RPL37A: variants seen among roughly 807,000 people sequenced by gnomAD.
The protein encoded by RPL37A is large ribosomal subunit protein eL43.
Under a neutral mutation model 13.6 loss-of-function variants are expected in RPL37A, and 5 were observed. The observed-to-expected ratio is 0.37, with a 90% CI of 0.19 to 0.78. The LOEUF (loss-of-function observed/expected upper bound fraction) is 0.78, where lower values mean the gene tolerates loss of function less well. Among genes scored for constraint, RPL37A ranks in the 30% least tolerant of loss-of-function variants. The probability of loss-of-function intolerance (pLI) is 0.49; values close to 1 mark genes in which losing one functional copy is unlikely to be tolerated. For synonymous variants in RPL37A, 50 were observed against 44.4 expected (o/e 1.13, Z -0.50); for missense variants, 77 against 120.0 (o/e 0.64, Z 1.67).
Position 216,499,603 on chromosome 2 carries a change from C to A in RPL37A, c.132+205C>A, listed in dbSNP as rs781569883. The A allele has an allele frequency of 2.2e-5, 15 of 669,654 alleles. No individual in the cohort carries two copies. The African/African-American group carries it at 2.4e-4, about 11-fold the overall frequency. 41.5% of individuals were successfully genotyped at this position (669,654 alleles called of 1,614,324 possible). ...TTTCATTTAAAGAAAACCGCTTAAA[C>A]GTTAATGGGTAAAATAATCATTTGA... On this transcript the variant is annotated intron_variant, in intron 2 of 3. Coordinates refer to ENST00000491306, the MANE Select transcript of RPL37A (RefSeq NM_000998.5).
chr2:216,501,265 C>A, intron 3 of RPL37A, 76 bp from the exon 4 acceptor site: 1 of 1,245,324 alleles, frequency 8.0e-7, no homozygotes, highest in Non-Finnish European at 1.2e-6. Flanking sequence ...AACACAAAAA[C>A]GAGGCAGATT....
chr2:216,500,749 C>T (rs1394274706), intron 3 of RPL37A: 3 of 152,344 alleles, frequency 2.0e-5, no homozygotes, highest in Admixed American at 6.5e-5. Flanking sequence ...TATTTATATA[C>T]TTACAATACA....
chr2:216,499,252 TC>T lies in RPL37A; in HGVS notation c.4-15del. On this transcript the variant is annotated splice_polypyrimidine_tract_variant and intron_variant, in intron 1 of 3. Coordinates refer to ENST00000491306, the MANE Select transcript of RPL37A (RefSeq NM_000998.5). ...GGGTTCCAGGTCTATCACTGGTTTC[TC>T]CCTTCACTCTAAACAGGCCAAACGT... 6.2e-7 allele frequency: 1 copy of T among 1,608,450 alleles called. No homozygotes were observed. Among genetic ancestry groups the T allele is most frequent in the Non-Finnish European group, 8.5e-7 (1 of 1,177,944 alleles).
rs796613231 is a variant in RPL37A, at chr2:216,503,735, G to T, written c.*2331G>T. On this transcript the variant is annotated 3_prime_UTR_variant, in exon 4 of 4. Coordinates refer to ENST00000491306, the MANE Select transcript of RPL37A (RefSeq NM_000998.5). ...TTTTATGACAGTTAAAAGAGGAAAG[G>T]GCGGGGGACAGTTTACAGACCAGTG... The T allele has an allele frequency of 1.1e-4, 16 of 152,302 alleles. No individual in the cohort carries two copies. The highest frequency in any genetic ancestry group is 3.4e-4 in the African/African-American group (14 of 41,554). 9.4% of individuals were successfully genotyped at this position (152,302 alleles called of 1,614,324 possible).
chr2:216,499,352 T>C lies in RPL37A; in HGVS notation c.86T>C (p.Ile29Thr). 1.2e-6 allele frequency: 2 copies of C among 1,613,990 alleles called. No homozygotes were observed. The highest frequency in any genetic ancestry group is 1.7e-6 in the Non-Finnish European group (2 of 1,180,004). The change falls in exon 2 of 4, where the codon ATT (isoleucine) becomes ACT (threonine). Residue 29 changes from isoleucine (I) to threonine (T), a missense_variant. Physicochemically the swap from Ile to Thr is moderately conservative, Grantham distance 89. This residue lies in a region of RPL37A where 59 missense variants were observed against 65.5 expected (regional missense o/e 0.90). Transcript: ENST00000491306. ...TCCCTCCGGAAAATGGTGAAGAAAA[T>C]TGAAATCAGCCAGCACGCCAAGTAC... ...GASLRKMVKK[I>T]EISQHAKYTC...
chr2:216,500,190 T>C, intron 3 of RPL37A, 159 bp downstream of exon 3: 2 of 631,652 alleles, frequency 3.2e-6, no homozygotes, highest in Non-Finnish European at 5.7e-6. Context: ...TATTTTCAGT[T>C]ATTGAAAGAG....
Position 216,502,066 on chromosome 2 carries a change from C to T in RPL37A, c.*662C>T, listed in dbSNP as rs1281206689. The stretch of plus-strand genomic sequence containing the variant: ...TCTAGGCTGGGTGCGGTGACTCACG[C>T]CTGAAATCCCAGCACTTTGGGTGGC... On this transcript the variant is annotated 3_prime_UTR_variant, in exon 4 of 4. Transcript: ENST00000491306. The T allele has an allele frequency of 6.6e-6, 1 of 152,024 alleles. No individual in the cohort carries two copies. Among genetic ancestry groups the T allele is most frequent in the African/African-American group, 2.4e-5 (1 of 41,328 alleles). 9.4% of individuals were successfully genotyped at this position (152,024 alleles called of 1,614,324 possible). A position where few individuals can be genotyped will look rare whatever the true frequency, so the allele number is the denominator to read the frequency against.
intron 1 of RPL37A, 161 bp from the exon 2 acceptor site, chr2:216,499,108 GC>G (rs1188101942): frequency 8.4e-7 from 1 of 1,191,990 alleles, no homozygotes; most frequent in Non-Finnish European, 1.2e-6. Context: ...CGCGCGGCCA[GC>G]CCTGGGCACT....
At chr2:216,499,104 G>A in intron 1 of RPL37A, 166 bp from the exon 2 acceptor site, 3 of 1,170,610 alleles carry the variant, frequency 2.6e-6, no homozygotes, top group Non-Finnish European at 3.6e-6. Context: ...GGAGCGCGCG[G>A]CCAGCCCTGG....
rs1459422106 is a variant in RPL37A, at chr2:216,501,652, C to G, written c.*248C>G. ...ATATGAGTGTTAGCTTTTTATAAGT[C>G]TGCTCCTGCCAGTTTGACTTTGAGA... On this transcript the variant is annotated 3_prime_UTR_variant, in exon 4 of 4. Transcript: ENST00000491306. The G allele has an allele frequency of 3.0e-6, 1 of 333,234 alleles. No individual in the cohort carries two copies. Among genetic ancestry groups the G allele is most frequent in the African/African-American group, 2.1e-5 (1 of 46,724 alleles). The allele number at this position is 333,234 out of a possible 1,614,324, so 20.6% of individuals were successfully genotyped here. A position where few individuals can be genotyped will look rare whatever the true frequency, so the allele number is the denominator to read the frequency against.
intron 3 of RPL37A, 73 bp from the exon 4 acceptor site, chr2:216,501,268 G>A: frequency 5.4e-6 from 7 of 1,293,738 alleles, no homozygotes; most frequent in Non-Finnish European, 7.8e-6. Context: ...ACAAAAACGA[G>A]GCAGATTTAC....
Position 216,499,665 on chromosome 2 carries a change from G to T in RPL37A, c.132+267G>T, listed in dbSNP as rs1441468017. 6 of 629,916 alleles carry T rather than the reference G, an allele frequency of 9.5e-6. No homozygotes were observed. In the Admixed American group the frequency reaches 1.5e-4, roughly 16 times the overall value. 39.0% of individuals were successfully genotyped at this position (629,916 alleles called of 1,614,324 possible). The stretch of plus-strand genomic sequence containing the variant: ...CAGCCTAAGCCAAACCTGCTTTGTG[G>T]GAAATGATTCCATCAGTTTTGTCTA... On this transcript the variant is annotated intron_variant, in intron 2 of 3. Transcript: ENST00000491306.
At position 216,499,126 on chromosome 2, in the gene RPL37A, G is replaced by T. The variant is rs16856263; in HGVS notation, c.4-144G>T. 3.3e-3 allele frequency: 4,138 copies of T among 1,254,588 alleles called. 128 individuals carry two copies. In the African/African-American group the frequency reaches 0.054, roughly 16 times the overall value. The allele number at this position is 1,254,588 out of a possible 1,614,324, so 77.7% of individuals were successfully genotyped here. A position where few individuals can be genotyped will look rare whatever the true frequency, so the allele number is the denominator to read the frequency against. ...GCGGCCAGCCCTGGGCACTGGTTTC[G>T]TTGGGTTGAATTTAGGGAAAACTAG... On this transcript the variant is annotated intron_variant, in intron 1 of 3. Transcript: ENST00000491306.
chr2:216,500,198 G>C (rs1695575840), intron 3 of RPL37A, 167 bp downstream of exon 3: 5 of 620,912 alleles, frequency 8.1e-6, no homozygotes, highest in Non-Finnish European at 1.4e-5. Flanking sequence ...GTTATTGAAA[G>C]AGTAAACACA....
intron 3 of RPL37A, chr2:216,500,331 A>C: frequency 2.4e-6 from 1 of 408,464 alleles, no homozygotes; most frequent in Non-Finnish European, 4.5e-6. Context: ...GGCTGAATCT[A>C]CTGAACGTTG....
At position 216,503,666 on chromosome 2, in the gene RPL37A, G is replaced by A. The variant is rs1037667211; in HGVS notation, c.*2262G>A. 3 of 152,240 alleles carry A rather than the reference G, an allele frequency of 2.0e-5. No individual in the cohort carries two copies. Among genetic ancestry groups the A allele is most frequent in the African/African-American group, 7.2e-5 (3 of 41,454 alleles). The allele number at this position is 152,240 out of a possible 1,614,324, so 9.4% of individuals were successfully genotyped here. A position where few individuals can be genotyped will look rare whatever the true frequency, so the allele number is the denominator to read the frequency against. On this transcript the variant is annotated 3_prime_UTR_variant, in exon 4 of 4. Coordinates refer to ENST00000491306, the MANE Select transcript of RPL37A (RefSeq NM_000998.5). The stretch of plus-strand genomic sequence containing the variant: ...ATAACGTCTGCCTTGGCCTCCCAAA[G>A]TGCTGGGATTCTGTAAGCCACCTCA...
intron 2 of RPL37A, 95 bp from the exon 3 acceptor site, chr2:216,499,854 C>G (rs1272418299): frequency 9.5e-7 from 1 of 1,048,614 alleles, no homozygotes; most frequent in Non-Finnish European, 1.5e-6. Context: ...GCTTTCACAT[C>G]CCTGACAATA....
chr2:216,499,763 T>C (rs1295174649), intron 2 of RPL37A, 186 bp from the exon 3 acceptor site: 1 of 711,306 alleles, frequency 1.4e-6, no homozygotes, highest in Non-Finnish European at 2.5e-6. Context: ...GAGGGATTTT[T>C]GTTTGATAAA....
At position 216,503,688 on chromosome 2, in the gene RPL37A, C is replaced by T. The variant is rs1695634966; in HGVS notation, c.*2284C>T. The T allele has an allele frequency of 1.3e-5, 2 of 152,218 alleles. No homozygotes were observed. Among genetic ancestry groups the T allele is most frequent in the African/African-American group, 4.8e-5 (2 of 41,450 alleles). The allele number at this position is 152,218 out of a possible 1,614,324, so 9.4% of individuals were successfully genotyped here. ...AAAGTGCTGGGATTCTGTAAGCCACCTCACCCAGCCATGTATTGCTTTTTT... is the reference window on the plus strand; with the variant it reads ...AAAGTGCTGGGATTCTGTAAGCCACTTCACCCAGCCATGTATTGCTTTTTT... On this transcript the variant is annotated 3_prime_UTR_variant, in exon 4 of 4. Transcript: ENST00000491306.
Sources: gnomAD v4.1 joint callset for allele counts on GRCh38, gnomAD v4.1.1 for gene constraint, gnomAD v4.1.1 regional missense constraint, MANE v1.5 for transcripts, NCBI Gene and HGNC (gene_info 2026-07-23, HGNC 2026-07-21) for gene names.